RNF24: variants seen among roughly 807,000 people sequenced by gnomAD.
The protein encoded by RNF24 is ring finger protein 24.
RNF24 carries 14 observed loss-of-function variants against 20.0 expected under a neutral mutation model. The ratio of observed to expected loss-of-function variants is 0.70; its 90% CI spans 0.46 to 1.10. The LOEUF (loss-of-function observed/expected upper bound fraction) is 1.10. Ranked by LOEUF, RNF24 falls within the 50% of genes least tolerant of loss-of-function variation. The pLI, the probability that RNF24 is intolerant of heterozygous loss-of-function variation, is 0.00. For synonymous variants in RNF24, 45 were observed against 61.1 expected, an observed-to-expected ratio of 0.74 and a Z score of 1.23; for missense variants, 124 against 177.6, an observed-to-expected ratio of 0.70 and a Z score of 1.71.
At chr20:3,952,053 G>T (rs981517576) in intron 2 of RNF24, among the ~76,000 whole-genome samples, 11 of 152,048 alleles carry the variant, frequency 7.2e-5, no homozygotes, top group Admixed American at 1.3e-4. Flanking sequence ...AACAGGTTTT[G>T]GGGTCTGGTA....
At chr20:3,997,624 CTA>C (rs1443064967) in intron 1 of RNF24, among the ~76,000 whole-genome samples, 5 of 152,122 alleles carry the variant, frequency 3.3e-5, no homozygotes, top group Non-Finnish European at 7.4e-5. Flanking sequence ...TGGGGTTTCC[CTA>C]TGTTTCCCAG....
rs953714986 is a variant in RNF24, at chr20:3,933,754, G to C, written c.*309C>G. ...AGTTCCCTTCTTTACCCTCCTGCTT[G>C]ACATGGAGATGAGGCTCCAGGAGAG... On this transcript the variant is annotated 3_prime_UTR_variant, in exon 6 of 6. Coordinates refer to ENST00000358395, the MANE Select transcript of RNF24 (RefSeq NM_001134337.3). 3.8e-5 allele frequency: 8 copies of C among 213,188 alleles called. No homozygotes were observed. In the Admixed American group the frequency reaches 4.1e-4, roughly 11 times the overall value. The allele number at this position is 213,188 out of a possible 1,614,324, so 13.2% of individuals were successfully genotyped here. A position where few individuals can be genotyped will look rare whatever the true frequency, so the allele number is the denominator to read the frequency against.
At chr20:3,980,989 C>T (rs990850252) in intron 1 of RNF24, among the ~76,000 whole-genome samples, 1 of 151,238 alleles carries the variant, frequency 6.6e-6, no homozygotes, top group South Asian at 2.1e-4. Flanking sequence ...GGGGAGGGGG[C>T]GGCCCTGAAT....
intron 4 of RNF24, among the ~76,000 whole-genome samples, chr20:3,944,253 G>A (rs1174559854): frequency 2.0e-5 from 3 of 150,130 alleles, no homozygotes; most frequent in Non-Finnish European, 4.4e-5. Flanking sequence ...TAATGCTTCA[G>A]TTTAATCCAA....
chr20:3,964,027 G>GT lies in RNF24; in HGVS notation c.-7-4dup, dbSNP rs751889528. 6.2e-7 allele frequency: 1 copy of GT among 1,609,028 alleles called. No individual in the cohort carries two copies. Among genetic ancestry groups the GT allele is most frequent in the Admixed American group, 1.7e-5 (1 of 58,658 alleles). ...GGAAATCCGAGCTCATGGATGAACTGTGGGGGAAGAAAAGAATGGAAAAAA... is the reference window on the plus strand; with the variant it reads ...GGAAATCCGAGCTCATGGATGAACTGTTGGGGGAAGAAAAGAATGGAAAAAA... On this transcript the variant is annotated splice_polypyrimidine_tract_variant and splice_region_variant and intron_variant, in intron 1 of 5. Transcript: ENST00000358395.
At chr20:3,996,147 T>G (rs1980847074) in intron 1 of RNF24, among the ~76,000 whole-genome samples, 1 of 152,088 alleles carries the variant, frequency 6.6e-6, no homozygotes, top group Admixed American at 6.5e-5. Flanking sequence ...ACGTCAAGAG[T>G]TGGGTCTATT....
chr20:3,952,589 T>A (rs1354743873), intron 2 of RNF24, among the ~76,000 whole-genome samples: 5 of 151,044 alleles, frequency 3.3e-5, no homozygotes. Context: ...CCCGTTTTTT[T>A]TTTTTTGCAC....
At chr20:3,998,773 T>TAA (rs56673788) in intron 1 of RNF24, among the ~76,000 whole-genome samples, 91,749 of 133,446 alleles carry the variant, frequency 0.69, 28,508 homozygotes, top group African/African-American at 0.71. Flanking sequence ...AAAATTAAAT[T>TAA]AAAAAAAATA....
intron 1 of RNF24, among the ~76,000 whole-genome samples, chr20:3,987,199 T>C (rs1980008253): frequency 6.6e-6 from 1 of 152,186 alleles, no homozygotes; most frequent in South Asian, 2.1e-4. Context: ...CACAGAGTGA[T>C]GCAGAGACAG....
At chr20:3,953,380 C>T (rs1239700545) in intron 2 of RNF24, among the ~76,000 whole-genome samples, 2 of 150,970 alleles carry the variant, frequency 1.3e-5, no homozygotes, top group South Asian at 2.1e-4. Context: ...GTCTCCATCT[C>T]CTGACCTTGT....
intron 4 of RNF24, among the ~76,000 whole-genome samples, chr20:3,942,763 G>A (rs537372238): frequency 1.2e-3 from 171 of 146,624 alleles, no homozygotes; most frequent in African/African-American, 3.6e-3. Flanking sequence ...GTGAGCCACC[G>A]CGCCTGGCCT....
chr20:3,945,328 T>A (rs930757406), intron 3 of RNF24, 110 bp from the exon 4 acceptor site: 3 of 1,025,894 alleles, frequency 2.9e-6, no homozygotes, highest in Non-Finnish European at 4.1e-6. Context: ...ATTTCCCTCA[T>A]ATTCAATATT....
chr20:4,013,080 T>C (rs542163280), intron 1 of RNF24, among the ~76,000 whole-genome samples: 6 of 152,310 alleles, frequency 3.9e-5, no homozygotes, highest in African/African-American at 1.4e-4. Flanking sequence ...ATTAAATTAA[T>C]TGATATTAAG....
chr20:3,947,827 A>C (rs1472072187), intron 3 of RNF24, among the ~76,000 whole-genome samples: 1 of 152,148 alleles, frequency 6.6e-6, no homozygotes, highest in Non-Finnish European at 1.5e-5. Flanking sequence ...CGGGCGGATC[A>C]CCTGAGGTCC....
chr20:4,008,369 ATT>A (rs1982071401), intron 1 of RNF24, among the ~76,000 whole-genome samples: 1 of 36,484 alleles, frequency 2.7e-5, no homozygotes, highest in Admixed American at 4.1e-4. Flanking sequence ...TAATATATAT[ATT>A]ATATATATAA....
Position 3,932,641 on chromosome 20 carries a change from G to A in RNF24, c.*1422C>T. 2 of 324,266 alleles carry A rather than the reference G, an allele frequency of 6.2e-6. No individual in the cohort carries two copies. Among genetic ancestry groups the A allele is most frequent in the African/African-American group, 2.1e-5 (1 of 47,240 alleles). 20.1% of individuals were successfully genotyped at this position (324,266 alleles called of 1,614,324 possible). The stretch of plus-strand genomic sequence containing the variant: ...ATCCATTCTCCATGTCACGCAGACT[G>A]TATTCCTAATGAAAAACTTCCCCCA... On this transcript the variant is annotated 3_prime_UTR_variant, in exon 6 of 6. Transcript: ENST00000358395.
In RNF24 at chr20:3,930,123, G is replaced by A. The variant is rs937223385; in HGVS notation, c.*3940C>T. ...CAATAGTAGGTATTCATGGAGTGAGGAGCGGAGCTTGCTAGGCATCAGGAA... is the reference window on the plus strand; with the variant it reads ...CAATAGTAGGTATTCATGGAGTGAGAAGCGGAGCTTGCTAGGCATCAGGAA... On this transcript the variant is annotated 3_prime_UTR_variant, in exon 6 of 6. Transcript: ENST00000358395. 1 of 152,236 alleles carries A rather than the reference G, an allele frequency of 6.6e-6. No homozygotes were observed. The highest frequency in any genetic ancestry group is 2.4e-5 in the African/African-American group (1 of 41,456). The allele number at this position is 152,236 out of a possible 1,614,324, so 9.4% of individuals were successfully genotyped here. A position where few individuals can be genotyped will look rare whatever the true frequency, so the allele number is the denominator to read the frequency against.
chr20:3,975,801 T>C (rs1482077639), intron 1 of RNF24, among the ~76,000 whole-genome samples: 1 of 151,848 alleles, frequency 6.6e-6, no homozygotes, highest in Non-Finnish European at 1.5e-5. Flanking sequence ...GACTGAAGGA[T>C]TGCTGGCTGT....
chr20:3,958,765 C>T (rs1191399460), intron 2 of RNF24, among the ~76,000 whole-genome samples: 1 of 152,202 alleles, frequency 6.6e-6, no homozygotes, highest in South Asian at 2.1e-4. Flanking sequence ...TCTCAGCCTC[C>T]TGAGTAGCTG....
Sources: allele counts gnomAD v4.1 joint callset (sites outside exome capture counted in the v4.1 genomes callset), GRCh38; gene constraint gnomAD v4.1.1; transcripts MANE v1.5; gene names NCBI Gene and HGNC (gene_info 2026-07-23, HGNC 2026-07-21).